Variants in KHDRBS2 observed in about 807,000 individuals in gnomAD.
KHDRBS2 encodes the protein KH domain-containing, RNA-binding, signal transduction-associated protein 2.
A neutral mutation model predicts 44.3 loss-of-function variants in KHDRBS2; 26 were observed. That is an observed-to-expected ratio of 0.59 (90% CI 0.43 to 0.81). KHDRBS2 has a LOEUF of 0.81. KHDRBS2 is among the 40% of genes least tolerant of loss of function. The probability of loss-of-function intolerance (pLI) is 0.00; values close to 1 mark genes in which losing one functional copy is unlikely to be tolerated. For missense variants in KHDRBS2, 476 were observed against 433.1 expected (o/e 1.10, Z -0.88); for synonymous variants, 194 against 151.1 (o/e 1.28, Z -2.08).
Position 61,945,090 on chromosome 6 carries a change from TAAAA to T in KHDRBS2, c.483+32972_483+32975del, listed in dbSNP as rs1175643834. 5.1e-3 allele frequency among the ~76,000 whole-genome samples: 135 copies of T among 26,400 alleles called. 2 individuals are homozygous for T. The highest frequency in any genetic ancestry group is 0.021 in the African/African-American group (125 of 5,994). 17.3% of individuals were successfully genotyped at this position (26,400 alleles called of 152,430 possible). A position where few individuals can be genotyped will look rare whatever the true frequency, so the allele number is the denominator to read the frequency against. On this transcript the variant is annotated intron_variant, in intron 4 of 8. Transcript: ENST00000281156. ...CGGAAGACAGAGTGAGACTCTGTCTTAAAAAAAAAAAAAAAAAAAAAAGTATATA... is the reference window on the plus strand; with the variant it reads ...CGGAAGACAGAGTGAGACTCTGTCTTAAAAAAAAAAAAAAAAAAGTATATA...
intron 6 of KHDRBS2, among the ~76,000 whole-genome samples, chr6:61,794,191 T>C (rs1785008003): frequency 2.0e-5 from 3 of 152,164 alleles, no homozygotes; most frequent in South Asian, 2.1e-4. Flanking sequence ...CTCATTATGA[T>C]AGACAGTCAA....
intron 4 of KHDRBS2, among the ~76,000 whole-genome samples, chr6:61,961,182 A>T (rs950909550): frequency 2.6e-5 from 4 of 152,132 alleles, no homozygotes; most frequent in African/African-American, 9.7e-5. Flanking sequence ...TCGTTGATTA[A>T]GCCAACAATT....
intron 5 of KHDRBS2, among the ~76,000 whole-genome samples, chr6:61,897,034 G>C (rs547826485): frequency 6.6e-6 from 1 of 152,090 alleles, no homozygotes; most frequent in East Asian, 1.9e-4. Context: ...TTCTATCCTC[G>C]ATCTCATGGT....
chr6:61,770,679 G>A (rs921133385), intron 6 of KHDRBS2, among the ~76,000 whole-genome samples: 46 of 152,142 alleles, frequency 3.0e-4, no homozygotes, highest in African/African-American at 1.1e-3. Flanking sequence ...AGAAATATGG[G>A]ACTATGTGAA....
intron 6 of KHDRBS2, among the ~76,000 whole-genome samples, chr6:61,874,338 C>T (rs1305883005): frequency 3.3e-5 from 5 of 152,074 alleles, no homozygotes; most frequent in Non-Finnish European, 7.4e-5. Flanking sequence ...GAACATTTGT[C>T]AACATAGTAT....
intron 6 of KHDRBS2, among the ~76,000 whole-genome samples, chr6:61,870,040 C>T (rs1798436374): frequency 6.6e-6 from 1 of 150,810 alleles, no homozygotes; most frequent in Non-Finnish European, 1.5e-5. Flanking sequence ...TGTTCCCTCC[C>T]CAGGAAAGGG....
chr6:62,091,899 T>C (rs1584640232), intron 2 of KHDRBS2, among the ~76,000 whole-genome samples: 1 of 152,146 alleles, frequency 6.6e-6, no homozygotes, highest in African/African-American at 2.4e-5. Flanking sequence ...CATTACGTAT[T>C]AATTATTAAT....
intron 2 of KHDRBS2, among the ~76,000 whole-genome samples, chr6:62,102,162 A>T (rs1267839322): frequency 6.6e-6 from 1 of 152,252 alleles, no homozygotes; most frequent in East Asian, 1.9e-4. Context: ...ATAGGACTTG[A>T]AAATTCAGGA....
In KHDRBS2 at chr6:62,194,480, C is replaced by CTTTTTTTTTTTTTTTTTTTTTTTTTT. The variant is rs70996208; in HGVS notation, c.92-17194_92-17169dup. On this transcript the variant is annotated intron_variant, in intron 1 of 8. Coordinates refer to ENST00000281156, the MANE Select transcript of KHDRBS2 (RefSeq NM_152688.4). ...CACTTTCTTTTCTTTTCTTTTCTTC[C>CTTTTTTTTTTTTTTTTTTTTTTTTTT]TTTTTTTTTTTTTTTTTTTTTTTTT... 1.4e-4 allele frequency among the ~76,000 whole-genome samples: 10 copies of CTTTTTTTTTTTTTTTTTTTTTTTTTT among 69,770 alleles called. 4 individuals are homozygous for CTTTTTTTTTTTTTTTTTTTTTTTTTT. Among genetic ancestry groups the CTTTTTTTTTTTTTTTTTTTTTTTTTT allele is most frequent in the Non-Finnish European group, 2.5e-4 (10 of 39,778 alleles). The allele number at this position is 69,770 out of a possible 152,430, so 45.8% of individuals were successfully genotyped here.
At chr6:62,069,745 A>G (rs907928307) in intron 2 of KHDRBS2, among the ~76,000 whole-genome samples, 1 of 151,802 alleles carries the variant, frequency 6.6e-6, no homozygotes, top group Non-Finnish European at 1.5e-5. Context: ...AATTATTACA[A>G]TAGGATAGTT....
chr6:62,071,322 T>G (rs1274815298), intron 2 of KHDRBS2, among the ~76,000 whole-genome samples: 1 of 152,216 alleles, frequency 6.6e-6, no homozygotes, highest in Admixed American at 6.5e-5. Context: ...TTTCTTTTGC[T>G]GTGCAGAAGC....
At chr6:61,819,686 A>G (rs1583003769) in intron 6 of KHDRBS2, among the ~76,000 whole-genome samples, 1 of 152,140 alleles carries the variant, frequency 6.6e-6, no homozygotes, top group East Asian at 1.9e-4. Flanking sequence ...GAGAAAGCAA[A>G]TTTTCCATTT....
At chr6:62,154,028 T>C (rs1172583732) in intron 2 of KHDRBS2, among the ~76,000 whole-genome samples, 1 of 152,192 alleles carries the variant, frequency 6.6e-6, no homozygotes, top group Non-Finnish European at 1.5e-5. Flanking sequence ...AGCGTTTCTT[T>C]CTTTTATTAT....
chr6:62,192,289 C>A (rs1824788928), intron 1 of KHDRBS2, among the ~76,000 whole-genome samples: 1 of 152,020 alleles, frequency 6.6e-6, no homozygotes, highest in African/African-American at 2.4e-5. Flanking sequence ...ATTTCCAGAA[C>A]ATGAGTAGAA....
chr6:61,656,921 A>C, the KHDRBS2 span, among the ~76,000 whole-genome samples: 131 of 152,090 alleles, frequency 8.6e-4, 1 homozygote, highest in African/African-American at 3.1e-3. Flanking sequence ...TTATTTAATC[A>C]TTGCTTATAA....
At position 62,285,972 on chromosome 6, in the gene KHDRBS2, G is replaced by C. The variant is rs369236757; in HGVS notation, c.-24C>G. 109 of 1,496,564 alleles carry C rather than the reference G, an allele frequency of 7.3e-5. No homozygotes were observed. The highest frequency in any genetic ancestry group is 9.6e-5 in the Non-Finnish European group (103 of 1,077,700). The allele number at this position is 1,496,564 out of a possible 1,614,324, so 92.7% of individuals were successfully genotyped here. On this transcript the variant is annotated 5_prime_UTR_variant, in exon 1 of 9. Coordinates refer to ENST00000281156, the MANE Select transcript of KHDRBS2 (RefSeq NM_152688.4). The stretch of plus-strand genomic sequence containing the variant: ...ATAGCGCGGACTTCGGATTGTCCCC[G>C]GGCGAAGCGCGAGGTTCCGCTCGCT...
At chr6:62,162,092 G>A (rs1817774225) in intron 2 of KHDRBS2, among the ~76,000 whole-genome samples, 1 of 151,962 alleles carries the variant, frequency 6.6e-6, no homozygotes, top group South Asian at 2.1e-4. Flanking sequence ...TCTCAAATCT[G>A]TAGAAAATAA....
chr6:61,931,745 C>T (rs955923073), intron 4 of KHDRBS2, among the ~76,000 whole-genome samples: 1 of 152,032 alleles, frequency 6.6e-6, no homozygotes, highest in Non-Finnish European at 1.5e-5. Context: ...TACTTATATG[C>T]AGATTTTTTT....
chr6:62,151,240 G>T (rs1237607004), intron 2 of KHDRBS2, among the ~76,000 whole-genome samples: 1 of 152,058 alleles, frequency 6.6e-6, no homozygotes, highest in Admixed American at 6.6e-5. Flanking sequence ...GCTAAAACTT[G>T]CCCCTGATTA....
Sources: gnomAD v4.1 joint callset for allele counts (sites outside exome capture counted in the v4.1 genomes callset) on GRCh38, gnomAD v4.1.1 for gene constraint, MANE v1.5 for transcripts, NCBI Gene and HGNC (gene_info 2026-07-23, HGNC 2026-07-21) for gene names.